Variants in GFPT1 observed in about 807,000 individuals in gnomAD.
GFPT1 encodes the protein glutamine--fructose-6-phosphate transaminase 1, also known as glutamine--fructose-6-phosphate aminotransferase [isomerizing] 1.
A neutral mutation model predicts 92.0 loss-of-function variants in GFPT1; 40 were observed. That is an observed-to-expected ratio of 0.43 (90% confidence interval 0.34 to 0.57). The LOEUF (loss-of-function observed/expected upper bound fraction) is 0.57. GFPT1 is among the 20% of genes least tolerant of loss of function. GFPT1 has a pLI of 0.02. For synonymous variants in GFPT1, 269 were observed against 280.6 expected, an observed-to-expected ratio of 0.96 and a Z score of 0.41; for missense variants, 448 against 869.1, an observed-to-expected ratio of 0.52 and a Z score of 6.09.
At chr2:69,361,318 GGC>G (rs1671466447) in intron 4 of GFPT1, among the ~76,000 whole-genome samples, 1 of 151,734 alleles carries the variant, frequency 6.6e-6, no homozygotes, top group African/African-American at 2.4e-5. Flanking sequence ...CGTGGTGTCA[GGC>G]GCCTGTAATT....
rs1671128730 is a variant in GFPT1 at position 69,348,199 on chromosome 2, G to C, written c.981C>G (p.Leu327=). 6.2e-7 allele frequency: 1 copy of C among 1,613,894 alleles called. No homozygotes were observed. The highest frequency in any genetic ancestry group is 8.5e-7 in the Non-Finnish European group (1 of 1,179,800). ...GDHPGRAVQT[L]QMELQQIMKG... ...TCATGATCTGCTGGAGTTCCATCTG[G>C]AGTGTTTGCACAGCTCGTCCGGGGT... The change falls in exon 11 of 20, where the codon CTC becomes CTG. Residue 327 remains leucine (L), a synonymous_variant. Coordinates refer to ENST00000357308, the MANE Select transcript of GFPT1 (RefSeq NM_001244710.2).
At chr2:69,343,897 C>T (rs1671015531) in intron 12 of GFPT1, among the ~76,000 whole-genome samples, 1 of 152,124 alleles carries the variant, frequency 6.6e-6, no homozygotes, top group African/African-American at 2.4e-5. Flanking sequence ...GTGTCACTAG[C>T]TTCCCAAATA....
At chr2:69,327,235 G>A (rs1670553721) in intron 18 of GFPT1, among the ~76,000 whole-genome samples, 160 bp from the exon 19 acceptor site, 2 of 152,148 alleles carry the variant, frequency 1.3e-5, no homozygotes, top group Non-Finnish European at 2.9e-5. Flanking sequence ...ATTACTTATA[G>A]TCGAGGAAAC....
At chr2:69,336,339 C>CAAAAAAAAAAAAAA (rs61141681) in intron 15 of GFPT1, among the ~76,000 whole-genome samples, 1 of 98,056 alleles carries the variant, frequency 1.0e-5, no homozygotes, top group African/African-American at 4.0e-5. Flanking sequence ...AGTCTGTCTC[C>CAAAAAAAAAAAAAA]AAAAAAAAAA....
chr2:69,330,500 T>C (rs531765312), intron 15 of GFPT1, among the ~76,000 whole-genome samples: 11 of 152,088 alleles, frequency 7.2e-5, no homozygotes, highest in African/African-American at 2.4e-4. Flanking sequence ...GCTGGATTTT[T>C]TTTTTTAATT....
chr2:69,335,137 G>C (rs1307444751), intron 15 of GFPT1, among the ~76,000 whole-genome samples: 1 of 151,976 alleles, frequency 6.6e-6, no homozygotes, highest in African/African-American at 2.4e-5. Context: ...CTCCTGAGTA[G>C]CTGGGACTAC....
intron 6 of GFPT1, among the ~76,000 whole-genome samples, chr2:69,358,034 C>T (rs759501508): frequency 6.6e-6 from 1 of 152,106 alleles, no homozygotes; most frequent in African/African-American, 2.4e-5. Context: ...TACATGTCCA[C>T]GTGTGGTGCA....
Position 69,374,577 on chromosome 2 carries a change from T to C in GFPT1, c.8-464A>G, listed in dbSNP as rs540860382. 3.0e-3 allele frequency among the ~76,000 whole-genome samples: 456 copies of C among 152,312 alleles called. 3 individuals are homozygous for C. Among genetic ancestry groups the C allele is most frequent in the African/African-American group, 8.7e-3 (360 of 41,570 alleles). ...ATCTGCCCGCCTCGGCCTCCCAAAG[T>C]GCTAGGATTACAGGTGTGAGCCACT... On this transcript the variant is annotated intron_variant, in intron 1 of 19. Coordinates refer to ENST00000357308, the MANE Select transcript of GFPT1 (RefSeq NM_001244710.2).
At chr2:69,375,428 T>C (rs1054239638) in intron 1 of GFPT1, among the ~76,000 whole-genome samples, 1 of 152,204 alleles carries the variant, frequency 6.6e-6, no homozygotes, top group Non-Finnish European at 1.5e-5. Flanking sequence ...AAATGGCACA[T>C]TGTTGATACC....
intron 15 of GFPT1, among the ~76,000 whole-genome samples, chr2:69,337,141 T>G (rs1407630215): frequency 6.6e-6 from 1 of 150,452 alleles, no homozygotes. Context: ...CTCGCTTCAC[T>G]GCAACCTCCA....
At chr2:69,371,929 C>T (rs1413942996) in intron 2 of GFPT1, among the ~76,000 whole-genome samples, 15 of 151,498 alleles carry the variant, frequency 9.9e-5, no homozygotes, top group South Asian at 2.1e-4. Flanking sequence ...GGGCCAGGCA[C>T]GGCGGCTCAC....
intron 7 of GFPT1, among the ~76,000 whole-genome samples, chr2:69,355,935 G>A (rs943817344): frequency 2.8e-4 from 42 of 148,442 alleles, no homozygotes; most frequent in African/African-American, 9.9e-4. Context: ...ACCTTGGTGC[G>A]CCCAACAAAG....
intron 1 of GFPT1, among the ~76,000 whole-genome samples, chr2:69,375,882 TG>T (rs1169459105): frequency 1.3e-5 from 2 of 152,062 alleles, no homozygotes; most frequent in Non-Finnish European, 2.9e-5. Flanking sequence ...AAGGTAAGAG[TG>T]GTAGCGGCAC....
At chr2:69,333,676 T>C (rs747640448) in intron 15 of GFPT1, among the ~76,000 whole-genome samples, 32 of 152,194 alleles carry the variant, frequency 2.1e-4, no homozygotes, top group African/African-American at 3.4e-4. Flanking sequence ...CATATAAAAA[T>C]TGCTGAACCT....
At chr2:69,335,064 T>C (rs1670761092) in intron 15 of GFPT1, among the ~76,000 whole-genome samples, 2 of 152,126 alleles carry the variant, frequency 1.3e-5, no homozygotes, top group African/African-American at 2.4e-5. Context: ...TAGAGTGTAG[T>C]GGTGTGATCA....
intron 19 of GFPT1, 114 bp from the exon 20 acceptor site, chr2:69,326,347 A>G: frequency 1.4e-6 from 1 of 694,974 alleles, no homozygotes; most frequent in South Asian, 1.6e-5. Flanking sequence ...CAATACATTC[A>G]TTAACCATCT....
At chr2:69,337,195 T>C (rs1368319496) in intron 15 of GFPT1, among the ~76,000 whole-genome samples, 8 of 151,614 alleles carry the variant, frequency 5.3e-5, no homozygotes, top group Admixed American at 5.3e-4. Flanking sequence ...CTCCCGGGTA[T>C]GCTGGGATTA....
chr2:69,335,880 G>A (rs1670781135), intron 15 of GFPT1, among the ~76,000 whole-genome samples: 1 of 151,984 alleles, frequency 6.6e-6, no homozygotes, highest in African/African-American at 2.4e-5. Flanking sequence ...AAATTAGCCA[G>A]GCATGGGTAG....
rs1469343500 is a variant in GFPT1, at chr2:69,319,919, G to A, written c.*6270C>T. ...ACCAAAAGCCCCCATAAATTAGAGT[G>A]GCTAGACACATTCAAGTCTAGCAGA... On this transcript the variant is annotated 3_prime_UTR_variant, in exon 20 of 20. Coordinates refer to ENST00000357308, the MANE Select transcript of GFPT1 (RefSeq NM_001244710.2). The A allele has an allele frequency of 1.3e-5, 2 of 152,138 alleles. No individual in the cohort carries two copies. The highest frequency in any genetic ancestry group is 4.8e-5 in the African/African-American group (2 of 41,424). The allele number at this position is 152,138 out of a possible 1,614,324, so 9.4% of individuals were successfully genotyped here. A position where few individuals can be genotyped will look rare whatever the true frequency, so the allele number is the denominator to read the frequency against.
Sources: allele counts gnomAD v4.1 joint callset (sites outside exome capture counted in the v4.1 genomes callset), GRCh38; gene constraint gnomAD v4.1.1; transcripts MANE v1.5; gene names NCBI Gene and HGNC (gene_info 2026-07-23, HGNC 2026-07-21).